Variants in BCL2L13 observed in about 807,000 individuals in gnomAD.
BCL2L13 encodes the protein bcl-2-like protein 13.
A neutral mutation model predicts 25.8 loss-of-function variants in BCL2L13; 13 were observed. The ratio of observed to expected loss-of-function variants is 0.50; its 90% CI spans 0.33 to 0.80. The LOEUF (loss-of-function observed/expected upper bound fraction) is 0.80. Ranked by LOEUF, BCL2L13 falls within the 30% of genes least tolerant of loss-of-function variation. BCL2L13 has a pLI of 0.02. For synonymous variants in BCL2L13, 244 were observed against 230.3 expected (o/e 1.06, Z -0.54); for missense variants, 504 against 574.9 (o/e 0.88, Z 1.26).
chr22:17,653,455 G>A (rs183243112), intron 1 of BCL2L13, among the ~76,000 whole-genome samples: 5 of 147,986 alleles, frequency 3.4e-5, no homozygotes, highest in Admixed American at 2.7e-4. Context: ...GTCTCCTTGC[G>A]TCTACTCTTC....
intron 2 of BCL2L13, among the ~76,000 whole-genome samples, chr22:17,667,963 C>CTTTT (rs71201863): frequency 2.5e-4 from 18 of 71,684 alleles, no homozygotes; most frequent in South Asian, 5.2e-4. Flanking sequence ...TCCAGTTTGT[C>CTTTT]TTTTTTTTTT....
At chr22:17,725,218 G>T (rs1347123995) in intron 6 of BCL2L13, among the ~76,000 whole-genome samples, 1 of 152,236 alleles carries the variant, frequency 6.6e-6, no homozygotes, top group Admixed American at 6.5e-5. Flanking sequence ...GTACCTCAGA[G>T]ATGTCAGTGA....
chr22:17,680,379 G>A lies in BCL2L13; in HGVS notation c.122-2835G>A, dbSNP rs142955348. ...CAAAAAATTAGCGGGGAATGGTGTC[G>A]GGCGCCTTAGTCCCAGCTACTCGGG... On this transcript the variant is annotated intron_variant, in intron 2 of 6. Transcript: ENST00000317582. Among the ~76,000 whole-genome samples, 1,111 of 150,612 alleles carry A rather than the reference G, an allele frequency of 7.4e-3. 10 individuals are homozygous for A. The highest frequency in any genetic ancestry group is 0.026 in the African/African-American group (1,052 of 41,000).
chr22:17,644,004 G>T (rs1392670223), intron 1 of BCL2L13, among the ~76,000 whole-genome samples: 1 of 151,328 alleles, frequency 6.6e-6, no homozygotes, highest in African/African-American at 2.5e-5. Flanking sequence ...CGCTTCCTGG[G>T]CTCAAGCCTG....
Position 17,683,844 on chromosome 22 carries a change from CATTATTATTATTATT to C in BCL2L13, c.229+549_229+563del, listed in dbSNP as rs57407987. On this transcript the variant is annotated intron_variant, in intron 3 of 6. Transcript: ENST00000317582. Reference sequence around the variant, plus strand: ...AATAAATGTTTTTACTCAGTCATTCCATTATTATTATTATTATTATTATTATTATTATTATTATTA... The same window carrying C: ...AATAAATGTTTTTACTCAGTCATTCCATTATTATTATTATTATTATTATTA... 5.5e-5 allele frequency among the ~76,000 whole-genome samples: 8 copies of C among 144,432 alleles called. No homozygotes were observed. In the East Asian group the frequency reaches 6.0e-4, roughly 11 times the overall value. 94.8% of individuals were successfully genotyped at this position (144,432 alleles called of 152,430 possible).
chr22:17,642,095 G>A (rs1023287166), intron 1 of BCL2L13, among the ~76,000 whole-genome samples: 1 of 146,692 alleles, frequency 6.8e-6, no homozygotes, highest in African/African-American at 2.5e-5. Flanking sequence ...CACCGCGCCT[G>A]ACCAATATGT....
chr22:17,661,237 C>T lies in BCL2L13; in HGVS notation c.121+5405C>T, dbSNP rs889584897. Among the ~76,000 whole-genome samples the T allele has an allele frequency of 3.0e-4, 43 of 145,436 alleles. 4 individuals are homozygous for T. Among genetic ancestry groups the T allele is most frequent in the Non-Finnish European group, 5.3e-4 (34 of 63,810 alleles). ...CCTCCCAAGTAGCTGGGATTACAGG[C>T]GCCCGCCACTGCCCCTGGCTAATTT... is the stretch of plus-strand genomic sequence containing the variant. On this transcript the variant is annotated intron_variant, in intron 2 of 6. Coordinates refer to ENST00000317582, the MANE Select transcript of BCL2L13 (RefSeq NM_015367.4).
chr22:17,728,072 CTTA>C lies in BCL2L13; in HGVS notation c.*539_*541del. ...TACTGACTTCTTAGCTCTTAATCCC[CTTA>C]GAATTTCATCTTTCTCGATGAGCAG... On this transcript the variant is annotated 3_prime_UTR_variant, in exon 7 of 7. Transcript: ENST00000317582. 6.3e-6 allele frequency: 1 copy of C among 159,290 alleles called. No homozygotes were observed. The highest frequency in any genetic ancestry group is 5.8e-5 in the Admixed American group (1 of 17,122). The allele number at this position is 159,290 out of a possible 1,614,324, so 9.9% of individuals were successfully genotyped here. A position where few individuals can be genotyped will look rare whatever the true frequency, so the allele number is the denominator to read the frequency against.
intron 4 of BCL2L13, chr22:17,692,228 C>A (rs1207441261): frequency 6.6e-6 from 1 of 152,198 alleles, no homozygotes; most frequent in African/African-American, 2.4e-5. Flanking sequence ...TAATAGCTCA[C>A]TAGGTAGGAT....
intron 3 of BCL2L13, among the ~76,000 whole-genome samples, chr22:17,684,868 G>T (rs530525609): frequency 6.6e-6 from 1 of 152,160 alleles, no homozygotes; most frequent in South Asian, 2.1e-4. Context: ...GAGTAGCTGG[G>T]ACTACAGGCG....
At chr22:17,680,731 C>T (rs920648976) in intron 2 of BCL2L13, among the ~76,000 whole-genome samples, 1 of 151,726 alleles carries the variant, frequency 6.6e-6, no homozygotes, top group African/African-American at 2.4e-5. Flanking sequence ...ATCGTGCTAA[C>T]ACATGATCAG....
chr22:17,708,062 T>G (rs1225786064), intron 6 of BCL2L13, among the ~76,000 whole-genome samples: 1 of 152,150 alleles, frequency 6.6e-6, no homozygotes, highest in East Asian at 1.9e-4. Flanking sequence ...CTTTACTTAG[T>G]TTTTTACTTA....
chr22:17,662,625 C>G (rs1040001791), intron 2 of BCL2L13, among the ~76,000 whole-genome samples: 10 of 151,952 alleles, frequency 6.6e-5, no homozygotes, highest in African/African-American at 2.2e-4. Context: ...AATTCGAGAC[C>G]AGCCTACATG....
At chr22:17,654,817 G>A (rs1476608299) in intron 1 of BCL2L13, among the ~76,000 whole-genome samples, 1 of 151,878 alleles carries the variant, frequency 6.6e-6, no homozygotes, top group Non-Finnish European at 1.5e-5. Flanking sequence ...GACCTCCTGG[G>A]CTCAAGCAAT....
At chr22:17,697,954 T>G (rs2060313508) in intron 5 of BCL2L13, among the ~76,000 whole-genome samples, 1 of 152,028 alleles carries the variant, frequency 6.6e-6, no homozygotes, top group Non-Finnish European at 1.5e-5. Flanking sequence ...TAGCTGGAAT[T>G]ATAGGCACCT....
chr22:17,715,995 T>C lies in BCL2L13; in HGVS notation c.601-10682T>C, dbSNP rs746746669. On this transcript the variant is annotated intron_variant, in intron 6 of 6. Transcript: ENST00000317582. ...TGAGCATTACTGTTTGCTCAGCATA[T>C]GTTAGGCATTACCTGGGGGATAACA... is the stretch of plus-strand genomic sequence containing the variant. Among the ~76,000 whole-genome samples, 93 of 152,258 alleles carry C rather than the reference T, an allele frequency of 6.1e-4. 2 individuals carry two copies. Among genetic ancestry groups the C allele is most frequent in the Non-Finnish European group, 2.2e-4 (15 of 68,042 alleles).
intron 2 of BCL2L13, among the ~76,000 whole-genome samples, chr22:17,677,261 G>T (rs1158252435): frequency 6.6e-6 from 1 of 152,202 alleles, no homozygotes; most frequent in Non-Finnish European, 1.5e-5. Flanking sequence ...ATTTTTGTCA[G>T]CTTTAAAAGT....
chr22:17,629,818 TACAC>T (rs3044578), intron 1 of BCL2L13, among the ~76,000 whole-genome samples: 3,565 of 148,158 alleles, frequency 0.024, 109 homozygotes, highest in East Asian at 0.12. Flanking sequence ...TTTATTTTCA[TACAC>T]ACACACACAC....
intron 6 of BCL2L13, among the ~76,000 whole-genome samples, chr22:17,709,723 C>G (rs1190385997): frequency 6.6e-6 from 1 of 151,464 alleles, no homozygotes; most frequent in African/African-American, 2.4e-5. Context: ...TTGCAGAACC[C>G]AGGAGCTGAG....
Sources: allele counts gnomAD v4.1 joint callset (sites outside exome capture counted in the v4.1 genomes callset), GRCh38; gene constraint gnomAD v4.1.1; transcripts MANE v1.5; gene names NCBI Gene and HGNC (gene_info 2026-07-23, HGNC 2026-07-21).